Variants in CALN1 observed in about 807,000 individuals in gnomAD.
The protein encoded by CALN1 is calcium-binding protein 8.
Under a neutral mutation model 30.6 loss-of-function variants are expected in CALN1, and 17 were observed. The observed-to-expected ratio is 0.56, with a 90% CI of 0.38 to 0.83. The LOEUF is 0.83. Ranked by LOEUF, CALN1 falls within the 40% of genes least tolerant of loss-of-function variation. The pLI, the probability that CALN1 is intolerant of heterozygous loss-of-function variation, is 0.00. For synonymous variants in CALN1, 156 were observed against 131.4 expected (o/e 1.19, Z -1.28); for missense variants, 291 against 354.9 (o/e 0.82, Z 1.45).
At chr7:72,142,194 A>T (rs188151912) in intron 3 of CALN1, among the ~76,000 whole-genome samples, 137 of 152,336 alleles carry the variant, frequency 9.0e-4, no homozygotes, top group African/African-American at 3.2e-3. Flanking sequence ...CCTGGGAAGC[A>T]CAAGGGGTCA....
chr7:72,336,717 G>T, intron 2 of CALN1: 1 of 985,396 alleles, frequency 1.0e-6, no homozygotes, highest in Middle Eastern at 5.2e-4. Flanking sequence ...TTGCTGGGCC[G>T]GGGCTCCGCA....
intron 3 of CALN1, among the ~76,000 whole-genome samples, chr7:72,189,868 C>G (rs1232709201): frequency 1.3e-5 from 2 of 151,820 alleles, no homozygotes; most frequent in East Asian, 3.9e-4. Context: ...TCCTTCCTAG[C>G]TTCTTTACTG....
At chr7:72,305,483 G>T (rs1397187732) in intron 2 of CALN1, among the ~76,000 whole-genome samples, 2 of 152,138 alleles carry the variant, frequency 1.3e-5, no homozygotes, top group African/African-American at 4.8e-5. Context: ...AAGTGGTCCT[G>T]CTAAGTCCAC....
chr7:72,225,670 C>A (rs555298917), intron 3 of CALN1, among the ~76,000 whole-genome samples: 1 of 152,140 alleles, frequency 6.6e-6, no homozygotes, highest in African/African-American at 2.4e-5. Flanking sequence ...TAAAATGTCA[C>A]GCCATCTTGT....
intron 3 of CALN1, among the ~76,000 whole-genome samples, chr7:72,194,072 C>A (rs1036274463): frequency 4.6e-5 from 7 of 152,162 alleles, no homozygotes; most frequent in African/African-American, 1.7e-4. Context: ...GTCATCTAAC[C>A]AAAACCCACC....
intron 3 of CALN1, among the ~76,000 whole-genome samples, chr7:72,232,766 G>C (rs1037876784): frequency 6.6e-6 from 1 of 152,086 alleles, no homozygotes; most frequent in African/African-American, 2.4e-5. Context: ...GGCTTAAAAA[G>C]TATTTTTTAA....
chr7:72,145,255 T>A (rs1217458502), intron 3 of CALN1, among the ~76,000 whole-genome samples: 3 of 149,222 alleles, frequency 2.0e-5, no homozygotes, highest in Admixed American at 1.3e-4. Context: ...GAGAGAAGAA[T>A]CAAATAGACA....
the CALN1 span, among the ~76,000 whole-genome samples, chr7:72,475,753 A>C: frequency 1.3e-5 from 2 of 152,126 alleles, no homozygotes; most frequent in African/African-American, 4.8e-5. Context: ...AGCCTTGCCC[A>C]AATCTCATCT....
At chr7:72,334,247 C>A (rs377563835) in intron 2 of CALN1, among the ~76,000 whole-genome samples, 3 of 152,262 alleles carry the variant, frequency 2.0e-5, no homozygotes, top group East Asian at 3.9e-4. Flanking sequence ...TAATGAGAAC[C>A]AGTGCCCCCT....
chr7:72,358,577 A>G (rs1585573642), intron 2 of CALN1, among the ~76,000 whole-genome samples: 1 of 152,118 alleles, frequency 6.6e-6, no homozygotes, highest in Non-Finnish European at 1.5e-5. Flanking sequence ...CCTGACCCCA[A>G]CTTCGGAGAG....
chr7:71,824,703 G>A (rs538262027), intron 5 of CALN1, among the ~76,000 whole-genome samples: 85 of 152,258 alleles, frequency 5.6e-4, no homozygotes, highest in African/African-American at 2.0e-3. Flanking sequence ...GAAAAAGACA[G>A]GCGGAATAAA....
chr7:72,395,514 T>A (rs754713674), intron 2 of CALN1, among the ~76,000 whole-genome samples: 29 of 152,322 alleles, frequency 1.9e-4, no homozygotes, highest in Non-Finnish European at 3.8e-4. Flanking sequence ...GTATGGAGTA[T>A]CATCCGAATT....
chr7:71,908,465 T>C (rs1794255658), intron 5 of CALN1, among the ~76,000 whole-genome samples: 1 of 152,126 alleles, frequency 6.6e-6, no homozygotes, highest in South Asian at 2.1e-4. Flanking sequence ...CTGAGAAGCC[T>C]GGAGAAAGAT....
intron 5 of CALN1, among the ~76,000 whole-genome samples, chr7:71,830,343 A>G (rs2116405819): frequency 6.8e-6 from 1 of 146,044 alleles, no homozygotes; most frequent in African/African-American, 2.5e-5. Context: ...GTGTCCGGCC[A>G]TCAGTTCTTT....
intron 2 of CALN1, among the ~76,000 whole-genome samples, chr7:72,317,832 A>G (rs1800592096): frequency 6.6e-6 from 1 of 152,190 alleles, no homozygotes; most frequent in Non-Finnish European, 1.5e-5. Flanking sequence ...CAGCCCTGGT[A>G]AACACCGGGA....
upstream of CALN1, among the ~76,000 whole-genome samples, chr7:72,413,799 C>T (rs1474456496): frequency 6.6e-6 from 1 of 151,804 alleles, no homozygotes; most frequent in East Asian, 1.9e-4. Flanking sequence ...CACTCGCAAA[C>T]ATTCCCACTT....
intron 2 of CALN1, chr7:72,337,310 C>A: frequency 1.0e-6 from 1 of 984,854 alleles, no homozygotes; most frequent in Non-Finnish European, 1.2e-6. Flanking sequence ...CCCAGCTCCT[C>A]CGAGGGTCGG....
chr7:72,003,710 G>A (rs1439905218), intron 5 of CALN1, among the ~76,000 whole-genome samples: 1 of 152,138 alleles, frequency 6.6e-6, no homozygotes, highest in African/African-American at 2.4e-5. Flanking sequence ...AGGAAAACAA[G>A]CTCAGGGTTC....
chr7:71,941,988 C>T (rs1248927740), intron 5 of CALN1, among the ~76,000 whole-genome samples: 1 of 152,126 alleles, frequency 6.6e-6, no homozygotes, highest in African/African-American at 2.4e-5. Context: ...CATCTGAGGT[C>T]AGGAGTTCCA....
Sources: gnomAD v4.1 joint callset for allele counts (sites outside exome capture counted in the v4.1 genomes callset) on GRCh38, gnomAD v4.1.1 for gene constraint, MANE v1.5 for transcripts, NCBI Gene and HGNC (gene_info 2026-07-23, HGNC 2026-07-21) for gene names.